The following LNPEP variants were observed in gnomAD, a reference collection of about 807,000 sequenced individuals.
The protein encoded by LNPEP is leucyl and cystinyl aminopeptidase.
Under a neutral mutation model 120.6 loss-of-function variants are expected in LNPEP, and 64 were observed. The observed-to-expected ratio is 0.53, with a 90% CI of 0.43 to 0.65. The LOEUF (loss-of-function observed/expected upper bound fraction) is 0.65. Among genes scored for constraint, LNPEP ranks in the 30% least tolerant of loss-of-function variants. LNPEP has a pLI of 0.00. For synonymous variants in LNPEP, 435 were observed against 425.4 expected (o/e 1.02, Z -0.28); for missense variants, 1,057 against 1,200.0 (o/e 0.88, Z 1.76).
chr5:96,976,989 C>A lies in LNPEP; in HGVS notation c.20-2149C>A, dbSNP rs561873528. ...GTTTAGGAGATTATATTCCCAAAAG[C>A]AGTATGTTAGAACCCTTCTTCTTTC... On this transcript the variant is annotated intron_variant, in intron 1 of 17. Coordinates refer to ENST00000231368, the MANE Select transcript of LNPEP (RefSeq NM_005575.3). Among the ~76,000 whole-genome samples, 13 of 151,516 alleles carry A rather than the reference C, an allele frequency of 8.6e-5. No homozygotes were observed. In the South Asian group the frequency reaches 2.7e-3, roughly 32 times the overall value.
chr5:96,957,407 G>T (rs1445062285), intron 1 of LNPEP, among the ~76,000 whole-genome samples: 1 of 152,056 alleles, frequency 6.6e-6, no homozygotes, highest in South Asian at 2.1e-4. Context: ...CTGAAGCCTT[G>T]GTAATATTTT....
In LNPEP at chr5:96,993,086, T is replaced by A; in HGVS notation, c.1203T>A (p.Leu401=). ...HYALETTVKL[L]EFFQNYFEIQ... The stretch of plus-strand genomic sequence containing the variant: ...CCTTGGAAACAACTGTGAAGCTTCT[T>A]GAGTTTTTTCAAAACTACTTTGAAA... Residue 401 remains leucine, a synonymous_variant, in exon 5 of 18, where the codon CTT becomes CTA. Coordinates refer to ENST00000231368, the MANE Select transcript of LNPEP (RefSeq NM_005575.3). 6.3e-7 allele frequency: 1 copy of A among 1,599,804 alleles called. No individual in the cohort carries two copies. Among genetic ancestry groups the A allele is most frequent in the East Asian group, 2.2e-5 (1 of 44,684 alleles).
chr5:96,982,421 G>GT (rs1790148237), intron 2 of LNPEP, among the ~76,000 whole-genome samples: 1 of 152,166 alleles, frequency 6.6e-6, no homozygotes, highest in Non-Finnish European at 1.5e-5. Context: ...GATAGAACAG[G>GT]TTATAAGTAT....
chr5:96,987,016 C>A (rs1174924418), intron 4 of LNPEP, among the ~76,000 whole-genome samples: 1 of 152,154 alleles, frequency 6.6e-6, no homozygotes, highest in Non-Finnish European at 1.5e-5. Context: ...TTAAAATTCA[C>A]TTCCTCAGTC....
At position 97,035,838 on chromosome 5, in the gene LNPEP, C is replaced by T. The variant is rs988842800; in HGVS notation, c.*7305C>T. 6.6e-6 allele frequency: 1 copy of T among 152,282 alleles called. No homozygotes were observed. The highest frequency in any genetic ancestry group is 6.5e-5 in the Admixed American group (1 of 15,292). 9.4% of individuals were successfully genotyped at this position (152,282 alleles called of 1,614,324 possible). A position where few individuals can be genotyped will look rare whatever the true frequency, so the allele number is the denominator to read the frequency against. On this transcript the variant is annotated 3_prime_UTR_variant, in exon 18 of 18. Coordinates refer to ENST00000231368, the MANE Select transcript of LNPEP (RefSeq NM_005575.3). ...GCAGCAGATAAGACAGGAGAAGACACTCAGCTATGGTTGAGTTGTGAAAGC... is the reference window on the plus strand; with the variant it reads ...GCAGCAGATAAGACAGGAGAAGACATTCAGCTATGGTTGAGTTGTGAAAGC...
chr5:96,961,410 C>G (rs1789602866), intron 1 of LNPEP, among the ~76,000 whole-genome samples: 1 of 152,080 alleles, frequency 6.6e-6, no homozygotes, highest in South Asian at 2.1e-4. Flanking sequence ...CTGCTTGGTT[C>G]CTGTCATTTT....
At chr5:96,941,307 C>G (rs750751650) in intron 1 of LNPEP, among the ~76,000 whole-genome samples, 11 of 152,152 alleles carry the variant, frequency 7.2e-5, no homozygotes, top group Non-Finnish European at 1.6e-4. Flanking sequence ...TTGCCTGCTG[C>G]TCACTCCTGC....
chr5:96,957,389 C>T (rs953318701), intron 1 of LNPEP, among the ~76,000 whole-genome samples: 2 of 152,172 alleles, frequency 1.3e-5, no homozygotes, highest in Non-Finnish European at 2.9e-5. Context: ...ATGTCCATTT[C>T]CTAATCCCTG....
In LNPEP at chr5:96,936,146, CG is replaced by C. The variant is rs1043586603; in HGVS notation, c.-4del. On this transcript the variant is annotated 5_prime_UTR_variant, in exon 1 of 18. Coordinates refer to ENST00000231368, the MANE Select transcript of LNPEP (RefSeq NM_005575.3). The stretch of plus-strand genomic sequence containing the variant: ...GCGCTCCGGCTGTAAGGAGCCGCGG[CG>C]GGGGGAAAATGGAGCCCTTCACCAA... 5.3e-6 allele frequency: 8 copies of C among 1,503,290 alleles called. No individual in the cohort carries two copies. Among genetic ancestry groups the C allele is most frequent in the African/African-American group, 2.9e-5 (2 of 68,800 alleles). The allele number at this position is 1,503,290 out of a possible 1,614,324, so 93.1% of individuals were successfully genotyped here.
At position 97,024,886 on chromosome 5, in the gene LNPEP, T is replaced by A. The variant is rs138961184; in HGVS notation, c.2723+204T>A. Among the ~76,000 whole-genome samples the A allele has an allele frequency of 1.1e-3, 161 of 152,264 alleles. No homozygotes were observed. The Middle Eastern group carries it at 0.017, about 16-fold the overall frequency. On this transcript the variant is annotated intron_variant, in intron 15 of 17. Transcript: ENST00000231368. ...AGAAAATCCTTTGCCCAAAAGGGAT[T>A]ACAAGATGTCAGGAGTCACAGCCCC... is the stretch of plus-strand genomic sequence containing the variant.
intron 1 of LNPEP, among the ~76,000 whole-genome samples, chr5:96,965,194 G>C (rs1341476898): frequency 6.6e-6 from 1 of 152,084 alleles, no homozygotes; most frequent in Admixed American, 6.6e-5. Context: ...GTAGTAGGTT[G>C]TCTGTAGCTA....
chr5:96,946,610 A>G (rs1789190826), intron 1 of LNPEP, among the ~76,000 whole-genome samples: 1 of 152,228 alleles, frequency 6.6e-6, no homozygotes, highest in Non-Finnish European at 1.5e-5. Context: ...ATTAGTAGAA[A>G]AAATGTAGTT....
chr5:97,015,142 G>T (rs2303139), intron 13 of LNPEP, 47 bp downstream of exon 13: 23,378 of 1,323,692 alleles, frequency 0.018, 710 homozygotes, highest in South Asian at 0.11. Flanking sequence ...CTTTAATATT[G>T]TTATTCATGG....
chr5:97,011,649 A>T (rs959681806), intron 11 of LNPEP, among the ~76,000 whole-genome samples: 3 of 152,248 alleles, frequency 2.0e-5, no homozygotes, highest in Non-Finnish European at 4.4e-5. Context: ...TTTGCTAAAA[A>T]TGGCTTCAAC....
chr5:97,006,564 T>G lies in LNPEP; in HGVS notation c.2035+49T>G, dbSNP rs367562940. 2.9e-6 allele frequency: 3 copies of G among 1,027,246 alleles called. No homozygotes were observed. The African/African-American group carries it at 4.7e-5, about 16-fold the overall frequency. The allele number at this position is 1,027,246 out of a possible 1,614,324, so 63.6% of individuals were successfully genotyped here. A position where few individuals can be genotyped will look rare whatever the true frequency, so the allele number is the denominator to read the frequency against. On this transcript the variant is annotated intron_variant, in intron 11 of 17. Coordinates refer to ENST00000231368, the MANE Select transcript of LNPEP (RefSeq NM_005575.3). Reference sequence around the variant, plus strand: ...ATTGGAAATGGCATAATTTTAAAAATCTGATCAGAGTGCATATATAAGATT... The same window carrying G: ...ATTGGAAATGGCATAATTTTAAAAAGCTGATCAGAGTGCATATATAAGATT...
chr5:97,026,959 C>T (rs962852652), intron 16 of LNPEP, among the ~76,000 whole-genome samples: 1 of 152,178 alleles, frequency 6.6e-6, no homozygotes, highest in Admixed American at 6.5e-5. Context: ...AGCATTCCAT[C>T]TAAGTTCTAA....
At chr5:96,971,424 G>T (rs1789860874) in intron 1 of LNPEP, among the ~76,000 whole-genome samples, 1 of 149,674 alleles carries the variant, frequency 6.7e-6, no homozygotes, top group Non-Finnish European at 1.5e-5. Flanking sequence ...TTTGGATCTG[G>T]TAAGTGGTGT....
chr5:96,994,936 C>T (rs1395134903), intron 6 of LNPEP, among the ~76,000 whole-genome samples: 5 of 152,088 alleles, frequency 3.3e-5, no homozygotes, highest in African/African-American at 4.8e-5. Context: ...GGTGAAACCC[C>T]GTCTCTACTA....
rs1290805825 is a variant in LNPEP at position 97,031,745 on chromosome 5, G to C, written c.*3212G>C. On this transcript the variant is annotated 3_prime_UTR_variant, in exon 18 of 18. Coordinates refer to ENST00000231368, the MANE Select transcript of LNPEP (RefSeq NM_005575.3). ...ATCTCTACTAAAAATATAAAAATTA[G>C]CTGGGCATGGTGGTGCACACCTGTA... is the stretch of plus-strand genomic sequence containing the variant. 1.3e-5 allele frequency: 2 copies of C among 152,258 alleles called. No individual in the cohort carries two copies. Among genetic ancestry groups the C allele is most frequent in the Non-Finnish European group, 2.9e-5 (2 of 68,108 alleles). 9.4% of individuals were successfully genotyped at this position (152,258 alleles called of 1,614,324 possible).
Sources: allele counts gnomAD v4.1 joint callset (sites outside exome capture counted in the v4.1 genomes callset), GRCh38; gene constraint gnomAD v4.1.1; transcripts MANE v1.5; gene names NCBI Gene and HGNC (gene_info 2026-07-23, HGNC 2026-07-21).